The following TNFAIP8L1 variants were observed in gnomAD, a reference collection of about 807,000 sequenced individuals.
TNFAIP8L1 encodes the protein tumor necrosis factor alpha-induced protein 8-like protein 1.
For missense variants in TNFAIP8L1, 225 were observed against 266.1 expected (o/e 0.85, Z 1.08); for synonymous variants, 127 against 125.6 (o/e 1.01, Z -0.08).
chr19:4,644,826 C>G (rs1004364272), intron 1 of TNFAIP8L1, among the ~76,000 whole-genome samples: 1 of 151,954 alleles, frequency 6.6e-6, no homozygotes, highest in East Asian at 1.9e-4. Flanking sequence ...GTCTTGGACT[C>G]CCGACCTAAG....
At chr19:4,648,947 G>A (rs1204316152) in intron 1 of TNFAIP8L1, among the ~76,000 whole-genome samples, 2 of 55,388 alleles carry the variant, frequency 3.6e-5, no homozygotes, top group Non-Finnish European at 7.5e-5. Context: ...TTTTTTTTTT[G>A]AGATTGAGTT....
At chr19:4,644,605 ATTT>A (rs553560316) in intron 1 of TNFAIP8L1, among the ~76,000 whole-genome samples, 965 of 88,670 alleles carry the variant, frequency 0.011, 5 homozygotes, top group South Asian at 0.069. Context: ...TGAGTCATGG[ATTT>A]TTTTTTTTTT....
intron 1 of TNFAIP8L1, among the ~76,000 whole-genome samples, chr19:4,644,938 A>T (rs1159701382): frequency 1.3e-5 from 2 of 152,044 alleles, no homozygotes. Flanking sequence ...GTGCAGTGGG[A>T]CCCTGGGAGT....
intron 1 of TNFAIP8L1, among the ~76,000 whole-genome samples, chr19:4,651,577 C>A (rs564969190): frequency 1.3e-5 from 2 of 151,676 alleles, no homozygotes; most frequent in Non-Finnish European, 2.9e-5. Flanking sequence ...GCGGGGATTG[C>A]GGGCACCCAT....
At position 4,652,449 on chromosome 19, in the gene TNFAIP8L1, C is replaced by A. The variant is rs988784929; in HGVS notation, c.*19C>A. On this transcript the variant is annotated 3_prime_UTR_variant, in exon 2 of 2. Transcript: ENST00000327473. ...CCTCTGAACCCCGGCGCCGCCCAACCGCGCCCCTCGCGCCTTTTGGGGCTC... is the reference window on the plus strand; with the variant it reads ...CCTCTGAACCCCGGCGCCGCCCAACAGCGCCCCTCGCGCCTTTTGGGGCTC... The A allele has an allele frequency of 9.5e-6, 14 of 1,479,922 alleles. No homozygotes were observed. The South Asian group carries it at 1.1e-4, about 11-fold the overall frequency. 91.7% of individuals were successfully genotyped at this position (1,479,922 alleles called of 1,614,324 possible).
In TNFAIP8L1 at chr19:4,654,914, G is replaced by C. The variant is rs1483393972; in HGVS notation, c.*2484G>C. On this transcript the variant is annotated 3_prime_UTR_variant, in exon 2 of 2. Transcript: ENST00000327473. ...AACAAGGTCCCATGACTGTTTTGCA[G>C]AACCTTGTCTGTGGAGGGTAGAGGT... The C allele has an allele frequency of 6.6e-6, 1 of 152,262 alleles. No individual in the cohort carries two copies. The highest frequency in any genetic ancestry group is 1.5e-5 in the Non-Finnish European group (1 of 68,050). 9.4% of individuals were successfully genotyped at this position (152,262 alleles called of 1,614,324 possible). A position where few individuals can be genotyped will look rare whatever the true frequency, so the allele number is the denominator to read the frequency against.
chr19:4,651,217 C>A (rs1035961513), intron 1 of TNFAIP8L1, among the ~76,000 whole-genome samples: 2 of 151,992 alleles, frequency 1.3e-5, no homozygotes, highest in East Asian at 3.9e-4. Context: ...CCTTGAGCCC[C>A]TTCTCAGCTC....
chr19:4,643,747 C>A (rs1278656203), intron 1 of TNFAIP8L1, among the ~76,000 whole-genome samples: 1 of 152,054 alleles, frequency 6.6e-6, no homozygotes, highest in Non-Finnish European at 1.5e-5. Flanking sequence ...CCAGCCTGGC[C>A]AACATGGCAA....
rs776225991 is a variant in TNFAIP8L1 at position 4,651,966 on chromosome 19, GACAC to G, written c.98_101del (p.Asp33AlafsTer35). The G allele has an allele frequency of 1.9e-6, 3 of 1,614,098 alleles. No individual in the cohort carries two copies. In the South Asian group the frequency reaches 3.3e-5, roughly 18 times the overall value. On this transcript the variant is annotated frameshift_variant, in exon 2 of 2. Coordinates refer to ENST00000327473, the MANE Select transcript of TNFAIP8L1 (RefSeq NM_152362.3). LOFTEE classifies it low-confidence loss of function (END_TRUNC). ...GGCAGTGGTGGCCGTGCTGGTGGAT[GACAC>G]CAGCAGTGAGGTGCTGGATGAGCTG...
At chr19:4,649,841 G>A (rs11085086) in intron 1 of TNFAIP8L1, among the ~76,000 whole-genome samples, 8,619 of 152,294 alleles carry the variant, frequency 0.057, 808 homozygotes, top group African/African-American at 0.2. Context: ...AGCAATTCCC[G>A]TGCCTGCCCT....
intron 1 of TNFAIP8L1, among the ~76,000 whole-genome samples, chr19:4,650,793 C>A (rs1027072306): frequency 1.3e-5 from 2 of 152,130 alleles, no homozygotes; most frequent in African/African-American, 4.8e-5. Context: ...CTGGCTCACT[C>A]GGGGCTGAAG....
At position 4,652,465 on chromosome 19, in the gene TNFAIP8L1, T is replaced by C; in HGVS notation, c.*35T>C. 1 of 1,473,288 alleles carries C rather than the reference T, an allele frequency of 6.8e-7. No homozygotes were observed. The highest frequency in any genetic ancestry group is 1.4e-5 in the South Asian group (1 of 72,888). The allele number at this position is 1,473,288 out of a possible 1,614,324, so 91.3% of individuals were successfully genotyped here. ...CCGCCCAACCGCGCCCCTCGCGCCT[T>C]TTGGGGCTCTCCTGCTGGGCGCGGG... On this transcript the variant is annotated 3_prime_UTR_variant, in exon 2 of 2. Coordinates refer to ENST00000327473, the MANE Select transcript of TNFAIP8L1 (RefSeq NM_152362.3).
intron 1 of TNFAIP8L1, among the ~76,000 whole-genome samples, chr19:4,648,539 G>A (rs2088332732): frequency 6.6e-6 from 1 of 152,232 alleles, no homozygotes; most frequent in East Asian, 1.9e-4. Context: ...TTAGGAGTGT[G>A]GGGGCCAGGA....
Position 4,652,480 on chromosome 19 carries a change from C to T in TNFAIP8L1, c.*50C>T. On this transcript the variant is annotated 3_prime_UTR_variant, in exon 2 of 2. Coordinates refer to ENST00000327473, the MANE Select transcript of TNFAIP8L1 (RefSeq NM_152362.3). ...CCTCGCGCCTTTTGGGGCTCTCCTGCTGGGCGCGGGTGGGGTTTGTGGGTT... is the reference window on the plus strand; with the variant it reads ...CCTCGCGCCTTTTGGGGCTCTCCTGTTGGGCGCGGGTGGGGTTTGTGGGTT... The T allele has an allele frequency of 6.9e-7, 1 of 1,452,732 alleles. No individual in the cohort carries two copies. The highest frequency in any genetic ancestry group is 2.6e-5 in the Admixed American group (1 of 38,906). 90.0% of individuals were successfully genotyped at this position (1,452,732 alleles called of 1,614,324 possible).
intron 1 of TNFAIP8L1, among the ~76,000 whole-genome samples, chr19:4,643,574 C>G (rs1404456762): frequency 6.6e-6 from 1 of 152,216 alleles, no homozygotes; most frequent in Non-Finnish European, 1.5e-5. Flanking sequence ...GCTGGGGAAC[C>G]CAGTTTGAGA....
chr19:4,653,902 C>CACTGCACT lies in TNFAIP8L1; in HGVS notation c.*1473_*1480dup, dbSNP rs2088397741. On this transcript the variant is annotated 3_prime_UTR_variant, in exon 2 of 2. Coordinates refer to ENST00000327473, the MANE Select transcript of TNFAIP8L1 (RefSeq NM_152362.3). ...AGGCTGCAGTGACCGATGATCATGCCACTGCACTCCAGCTTGGGTGAGAGT... is the reference window on the plus strand; with the variant it reads ...AGGCTGCAGTGACCGATGATCATGCCACTGCACTACTGCACTCCAGCTTGGGTGAGAGT... 2 of 151,794 alleles carry CACTGCACT rather than the reference C, an allele frequency of 1.3e-5. No individual in the cohort carries two copies. The highest frequency in any genetic ancestry group is 4.8e-5 in the African/African-American group (2 of 41,282). 9.4% of individuals were successfully genotyped at this position (151,794 alleles called of 1,614,324 possible). A position where few individuals can be genotyped will look rare whatever the true frequency, so the allele number is the denominator to read the frequency against.
chr19:4,654,413 G>A lies in TNFAIP8L1; in HGVS notation c.*1983G>A, dbSNP rs1037944304. On this transcript the variant is annotated 3_prime_UTR_variant, in exon 2 of 2. Transcript: ENST00000327473. ...GGCTGGAGTGCAGTGGTGAAATCTC[G>A]GCTCATTGCAGCCCCTTCCTTCCAG... is the stretch of plus-strand genomic sequence containing the variant. 4.6e-5 allele frequency: 7 copies of A among 152,098 alleles called. No individual in the cohort carries two copies. Among genetic ancestry groups the A allele is most frequent in the Non-Finnish European group, 2.9e-5 (2 of 68,040 alleles). The allele number at this position is 152,098 out of a possible 1,614,324, so 9.4% of individuals were successfully genotyped here. A position where few individuals can be genotyped will look rare whatever the true frequency, so the allele number is the denominator to read the frequency against.
chr19:4,649,561 C>A (rs952436441), intron 1 of TNFAIP8L1, among the ~76,000 whole-genome samples: 1 of 152,170 alleles, frequency 6.6e-6, no homozygotes, highest in Non-Finnish European at 1.5e-5. Flanking sequence ...GGGGAAGGCA[C>A]AGGGAGTTGG....
In TNFAIP8L1 at chr19:4,641,975, C is replaced by G. The variant is rs929510049; in HGVS notation, c.-4+2346C>G. On this transcript the variant is annotated intron_variant, in intron 1 of 1. Transcript: ENST00000327473. This position sits in a 1 kb window ranked among gnomAD's most constrained non-coding sequence, Gnocchi z 4.6. The stretch of plus-strand genomic sequence containing the variant: ...TTGCAGGTCCATCTAGAGAATTTCC[C>G]AGCCTGGGCAACATGGTGAAACCCT... The G allele has an allele frequency of 3.9e-5, 6 of 152,306 alleles. No homozygotes were observed. The East Asian group carries it at 1.2e-3, about 29-fold the overall frequency. 9.4% of individuals were successfully genotyped at this position (152,306 alleles called of 1,614,324 possible). A position where few individuals can be genotyped will look rare whatever the true frequency, so the allele number is the denominator to read the frequency against.
Sources: gnomAD v4.1 joint callset for allele counts (sites outside exome capture counted in the v4.1 genomes callset) on GRCh38, gnomAD v4.1.1 for gene constraint, Gnocchi (gnomAD v3.1) non-coding constraint, MANE v1.5 for transcripts, NCBI Gene and HGNC (gene_info 2026-07-23, HGNC 2026-07-21) for gene names.